ZNF407: variants seen among roughly 807,000 people sequenced by gnomAD.
ZNF407 encodes the protein zinc finger protein 407.
Under a neutral mutation model 131.2 loss-of-function variants are expected in ZNF407, and 17 were observed. The observed-to-expected ratio is 0.13, with a 90% confidence interval of 0.09 to 0.19. The LOEUF is 0.19. ZNF407 is among the 10% of genes least tolerant of loss of function. The pLI is 1.00. For synonymous variants in ZNF407, 1,156 were observed against 1,062.0 expected (o/e 1.09, Z -1.72); for missense variants, 2,681 against 2,830.6 (o/e 0.95, Z 1.20).
At position 74,734,343 on chromosome 18, in the gene ZNF407, A is replaced by G. The variant is rs368554559; in HGVS notation, c.4803-47085A>G. On this transcript the variant is annotated intron_variant, in intron 3 of 8. Transcript: ENST00000299687. ...TTGAAAAGGTAGACCTTGTACCTCA[A>G]TCGGCTCACGAATACTGTTGGGACA... Among the ~76,000 whole-genome samples the G allele has an allele frequency of 7.2e-5, 11 of 152,210 alleles. No individual in the cohort carries two copies. In the East Asian group the frequency reaches 1.9e-3, roughly 27 times the overall value.
intron 4 of ZNF407, chr18:74,804,508 A>T: frequency 3.0e-6 from 3 of 987,772 alleles, no homozygotes; most frequent in Non-Finnish European, 3.6e-6. Flanking sequence ...AAAATTTCAC[A>T]CTCAGATGCA....
chr18:74,789,752 A>G (rs111411724), intron 4 of ZNF407, among the ~76,000 whole-genome samples: 4 of 151,990 alleles, frequency 2.6e-5, no homozygotes, highest in South Asian at 4.2e-4. Flanking sequence ...CCAGTCACTA[A>G]TTTAGTTTCT....
At chr18:74,848,777 A>G (rs952815512) in intron 4 of ZNF407, among the ~76,000 whole-genome samples, 1 of 152,144 alleles carries the variant, frequency 6.6e-6, no homozygotes, top group African/African-American at 2.4e-5. Context: ...CCGTTTCCAC[A>G]GTATAAAGGT....
At chr18:74,856,976 AT>A (rs1029923012) in intron 4 of ZNF407, among the ~76,000 whole-genome samples, 10 of 152,214 alleles carry the variant, frequency 6.6e-5, no homozygotes, top group Admixed American at 1.3e-4. Context: ...CGTGGGCTAA[AT>A]GATACAGTTT....
intron 8 of ZNF407, among the ~76,000 whole-genome samples, chr18:75,032,769 A>T (rs924491886): frequency 1.4e-5 from 2 of 144,210 alleles, no homozygotes; most frequent in African/African-American, 2.7e-5. Context: ...GAGTGCTCAG[A>T]ATAGGGGGAA....
chr18:75,040,685 G>A (rs1466752144), intron 8 of ZNF407, among the ~76,000 whole-genome samples: 1 of 152,156 alleles, frequency 6.6e-6, no homozygotes, highest in African/African-American at 2.4e-5. Context: ...ACACAAAGTT[G>A]CCCACTGCGT....
intron 3 of ZNF407, among the ~76,000 whole-genome samples, chr18:74,674,601 C>T (rs549449343): frequency 1.6e-4 from 25 of 152,270 alleles, no homozygotes; most frequent in African/African-American, 5.8e-4. Flanking sequence ...TCTGCTTCTT[C>T]ACTACCTCTA....
chr18:74,692,536 G>A (rs777346613), intron 3 of ZNF407, among the ~76,000 whole-genome samples: 2 of 152,198 alleles, frequency 1.3e-5, no homozygotes, highest in Admixed American at 1.3e-4. Flanking sequence ...CCTGAGCCTC[G>A]TGGATGGGGC....
In ZNF407 at chr18:74,721,585, C is replaced by T. The variant is rs1968037672; in HGVS notation, c.4803-59843C>T. The stretch of plus-strand genomic sequence containing the variant: ...CAGCATACCAAAATCTATAGTGTTT[C>T]TGTGAAAAATTTTTTTTTATTTTCA... On this transcript the variant is annotated intron_variant, in intron 3 of 8. Coordinates refer to ENST00000299687, the MANE Select transcript of ZNF407 (RefSeq NM_017757.3). Among the ~76,000 whole-genome samples the T allele has an allele frequency of 2.0e-5, 3 of 152,290 alleles. No individual in the cohort carries two copies. In the South Asian group the frequency reaches 6.2e-4, roughly 32 times the overall value.
chr18:74,924,486 T>G (rs1473655053), intron 8 of ZNF407, among the ~76,000 whole-genome samples: 1 of 152,198 alleles, frequency 6.6e-6, no homozygotes, highest in African/African-American at 2.4e-5. Context: ...TTTCTTCTAT[T>G]TAGTAAAATC....
intron 7 of ZNF407, among the ~76,000 whole-genome samples, chr18:74,912,303 C>T (rs1009377285): frequency 6.6e-6 from 1 of 151,864 alleles, no homozygotes; most frequent in Admixed American, 6.6e-5. Flanking sequence ...TTTGCCATAC[C>T]AGCTGACAAC....
At chr18:74,978,799 A>G (rs1019157251) in intron 8 of ZNF407, among the ~76,000 whole-genome samples, 5 of 152,178 alleles carry the variant, frequency 3.3e-5, no homozygotes, top group Non-Finnish European at 2.9e-5. Flanking sequence ...AGCTGTGGAC[A>G]TGGAGGTGGT....
chr18:74,630,142 G>A (rs1983985132), intron 1 of ZNF407, among the ~76,000 whole-genome samples: 1 of 150,964 alleles, frequency 6.6e-6, no homozygotes, highest in Admixed American at 6.6e-5. Context: ...CTTTGCTTTA[G>A]GAGAAAAGGA....
At chr18:74,785,880 G>T (rs28697940) in intron 4 of ZNF407, among the ~76,000 whole-genome samples, 1 of 21,818 alleles carries the variant, frequency 4.6e-5, no homozygotes, top group South Asian at 2.1e-3. Context: ...CACTCACATG[G>T]CACGCACATG....
chr18:74,838,284 G>C (rs1346155872), intron 4 of ZNF407, among the ~76,000 whole-genome samples: 4 of 152,178 alleles, frequency 2.6e-5, no homozygotes, highest in Non-Finnish European at 5.9e-5. Flanking sequence ...ATATGAAGCT[G>C]TGATTCTTAC....
intron 3 of ZNF407, among the ~76,000 whole-genome samples, chr18:74,752,729 T>C (rs1968835533): frequency 1.3e-5 from 2 of 152,224 alleles, no homozygotes; most frequent in South Asian, 4.1e-4. Context: ...GTTCCATTGG[T>C]TTATATCTCT....
chr18:74,884,621 T>C (rs1265323367), intron 6 of ZNF407, among the ~76,000 whole-genome samples: 1 of 152,174 alleles, frequency 6.6e-6, no homozygotes, highest in Non-Finnish European at 1.5e-5. Context: ...AAAGAAAATA[T>C]GAAAGAACCA....
At chr18:74,874,008 A>G (rs1466920560) in intron 4 of ZNF407, among the ~76,000 whole-genome samples, 1 of 152,176 alleles carries the variant, frequency 6.6e-6, no homozygotes, top group Non-Finnish European at 1.5e-5. Flanking sequence ...TCCAAGAGAA[A>G]CATCTAGTGA....
chr18:74,669,319 G>C (rs1168938977), intron 3 of ZNF407, among the ~76,000 whole-genome samples: 2 of 152,184 alleles, frequency 1.3e-5, no homozygotes, highest in African/African-American at 4.8e-5. Context: ...TGCATATGGG[G>C]TAGGACCCCA....
Sources: gnomAD v4.1 joint callset for allele counts (sites outside exome capture counted in the v4.1 genomes callset) on GRCh38, gnomAD v4.1.1 for gene constraint, MANE v1.5 for transcripts, NCBI Gene and HGNC (gene_info 2026-07-23, HGNC 2026-07-21) for gene names.